The following RPL37 variants were observed in gnomAD, a reference collection of about 807,000 sequenced individuals.
The protein encoded by RPL37 is large ribosomal subunit protein eL37.
Under a neutral mutation model 14.8 loss-of-function variants are expected in RPL37, and 1 was observed. That is an observed-to-expected ratio of 0.07 (90% confidence interval 0.02 to 0.32). The LOEUF is 0.32. Ranked by LOEUF, RPL37 falls within the 10% of genes least tolerant of loss-of-function variation. The pLI is 1.00. For synonymous variants in RPL37, 53 were observed against 45.8 expected, an observed-to-expected ratio of 1.16 and a Z score of -0.63; for missense variants, 100 against 128.3, an observed-to-expected ratio of 0.78 and a Z score of 1.06.
chr5:40,835,072 C>G (rs1182942020), intron 1 of RPL37, 111 bp downstream of exon 1: 3 of 1,475,932 alleles, frequency 2.0e-6, no homozygotes, highest in Non-Finnish European at 2.8e-6. Flanking sequence ...CTCTTTCCAG[C>G]CCACCAGTTC....
In RPL37 at chr5:40,827,987, T is replaced by C. The variant is rs1322899211; in HGVS notation, c.*4517A>G. The C allele has an allele frequency of 6.6e-6, 1 of 152,140 alleles. No homozygotes were observed. The highest frequency in any genetic ancestry group is 2.4e-5 in the African/African-American group (1 of 41,416). 9.4% of individuals were successfully genotyped at this position (152,140 alleles called of 1,614,324 possible). ...AAAAAAATAAAACACCTAAATATAA[T>C]CCAAATGTGCTAATAAATGTGAAAC... On this transcript the variant is annotated 3_prime_UTR_variant, in exon 4 of 4. Transcript: ENST00000274242.
chr5:40,834,159 T>C, intron 3 of RPL37, 22 bp downstream of exon 3: 3 of 1,563,526 alleles, frequency 1.9e-6, no homozygotes, highest in South Asian at 1.1e-5. Context: ...GGACCAATTA[T>C]GATCGAACAT....
chr5:40,834,957 G>T, intron 1 of RPL37: 2 of 646,294 alleles, frequency 3.1e-6, no homozygotes, highest in Non-Finnish European at 2.7e-6. Context: ...AGGTTGGACC[G>T]AGGCAAAGGA....
In RPL37 at chr5:40,828,215, T is replaced by C. The variant is rs1325877245; in HGVS notation, c.*4289A>G. On this transcript the variant is annotated 3_prime_UTR_variant, in exon 4 of 4. Coordinates refer to ENST00000274242, the MANE Select transcript of RPL37 (RefSeq NM_000997.5). Reference sequence around the variant, plus strand: ...AAGAATGGCTCCTTATCATTCAACTTAACCAACCTTCTAAAGGTTCCTCCA... The same window carrying C: ...AAGAATGGCTCCTTATCATTCAACTCAACCAACCTTCTAAAGGTTCCTCCA... 1 of 152,224 alleles carries C rather than the reference T, an allele frequency of 6.6e-6. No individual in the cohort carries two copies. The highest frequency in any genetic ancestry group is 6.5e-5 in the Admixed American group (1 of 15,290). The allele number at this position is 152,224 out of a possible 1,614,324, so 9.4% of individuals were successfully genotyped here. A position where few individuals can be genotyped will look rare whatever the true frequency, so the allele number is the denominator to read the frequency against.
In RPL37 at chr5:40,828,944, G is replaced by A. The variant is rs937254705; in HGVS notation, c.*3560C>T. 38 of 152,134 alleles carry A rather than the reference G, an allele frequency of 2.5e-4. No individual in the cohort carries two copies. Among genetic ancestry groups the A allele is most frequent in the African/African-American group, 7.5e-4 (31 of 41,432 alleles). The allele number at this position is 152,134 out of a possible 1,614,324, so 9.4% of individuals were successfully genotyped here. A position where few individuals can be genotyped will look rare whatever the true frequency, so the allele number is the denominator to read the frequency against. On this transcript the variant is annotated 3_prime_UTR_variant, in exon 4 of 4. Transcript: ENST00000274242. ...TGGACATCTCCCCAAATCTTACTTT[G>A]AGACTCTAAATTATCTTTTTGTTTT...
intron 3 of RPL37, 160 bp from the exon 4 acceptor site, chr5:40,832,733 G>A (rs748495578): frequency 1.3e-5 from 10 of 753,994 alleles, no homozygotes; most frequent in Non-Finnish European, 2.5e-5. Flanking sequence ...TCACTGATAA[G>A]CTGAAATTCT....
In RPL37 at chr5:40,828,304, CTATTA is replaced by C. The variant is rs1381241569; in HGVS notation, c.*4195_*4199del. 1 of 152,196 alleles carries C rather than the reference CTATTA, an allele frequency of 6.6e-6. No homozygotes were observed. Among genetic ancestry groups the C allele is most frequent in the Non-Finnish European group, 1.5e-5 (1 of 68,034 alleles). The allele number at this position is 152,196 out of a possible 1,614,324, so 9.4% of individuals were successfully genotyped here. A position where few individuals can be genotyped will look rare whatever the true frequency, so the allele number is the denominator to read the frequency against. ...CACACTTATCACTATCTGCAATTGT[CTATTA>C]TGTCACCTTCCACAAACATACATAC... is the stretch of plus-strand genomic sequence containing the variant. On this transcript the variant is annotated 3_prime_UTR_variant, in exon 4 of 4. Transcript: ENST00000274242.
Position 40,832,222 on chromosome 5 carries a change from C to T in RPL37, c.*282G>A, listed in dbSNP as rs537418226. 8 of 392,764 alleles carry T rather than the reference C, an allele frequency of 2.0e-5. No homozygotes were observed. The highest frequency in any genetic ancestry group is 4.9e-5 in the East Asian group (1 of 20,518). The allele number at this position is 392,764 out of a possible 1,614,324, so 24.3% of individuals were successfully genotyped here. A position where few individuals can be genotyped will look rare whatever the true frequency, so the allele number is the denominator to read the frequency against. ...ACCCACCTATGCCACATGAGCTGTG[C>T]TATTTTAATCTGCTATATTGTCTTC... On this transcript the variant is annotated 3_prime_UTR_variant, in exon 4 of 4. Coordinates refer to ENST00000274242, the MANE Select transcript of RPL37 (RefSeq NM_000997.5).
intron 1 of RPL37, 168 bp downstream of exon 1, chr5:40,835,015 G>T: frequency 2.4e-6 from 2 of 847,904 alleles, no homozygotes; most frequent in Non-Finnish European, 3.8e-6. Context: ...GGTCCCCCAG[G>T]CACCAGTTAG....
At chr5:40,833,178 A>T (rs568097481) in intron 3 of RPL37, among the ~76,000 whole-genome samples, 5 of 152,310 alleles carry the variant, frequency 3.3e-5, no homozygotes, top group African/African-American at 1.2e-4. Context: ...GCACATGAAC[A>T]CACCTATGGG....
In RPL37 at chr5:40,832,484, A is replaced by G. The variant is rs1329252845; in HGVS notation, c.*20T>C. ...TTTTTAAAACCAGAACATTTATTGC[A>G]TGACTAATCGTTGACATTCTTAAGA... is the stretch of plus-strand genomic sequence containing the variant. On this transcript the variant is annotated 3_prime_UTR_variant, in exon 4 of 4. Transcript: ENST00000274242. The G allele has an allele frequency of 1.9e-6, 3 of 1,603,760 alleles. No homozygotes were observed. The highest frequency in any genetic ancestry group is 1.1e-5 in the South Asian group (1 of 90,890).
At position 40,832,261 on chromosome 5, in the gene RPL37, T is replaced by C; in HGVS notation, c.*243A>G. ...TATATTGTCTTCCAGTGCCCTCTGC[T>C]TCAAGGACTCCTGGAATTCTGCTTG... is the stretch of plus-strand genomic sequence containing the variant. On this transcript the variant is annotated 3_prime_UTR_variant, in exon 4 of 4. Transcript: ENST00000274242. 1 of 508,002 alleles carries C rather than the reference T, an allele frequency of 2.0e-6. No homozygotes were observed. Among genetic ancestry groups the C allele is most frequent in the Non-Finnish European group, 3.6e-6 (1 of 274,972 alleles). The allele number at this position is 508,002 out of a possible 1,614,324, so 31.5% of individuals were successfully genotyped here.
At chr5:40,835,053 A>T in intron 1 of RPL37, 130 bp downstream of exon 1, 1 of 1,283,402 alleles carries the variant, frequency 7.8e-7, no homozygotes, top group Non-Finnish European at 1.1e-6. Flanking sequence ...CTTGAGGGCC[A>T]CCGCATGCCT....
chr5:40,835,176 A>T lies in RPL37; in HGVS notation c.3+7T>A. 6.2e-7 allele frequency: 1 copy of T among 1,614,122 alleles called. No homozygotes were observed. The highest frequency in any genetic ancestry group is 8.5e-7 in the Non-Finnish European group (1 of 1,180,028). ...CGCGATTCACAAACACCACAGTCAC[A>T]ACTCACCATCTCGCTTCTGCGGCCG... On this transcript the variant is annotated splice_region_variant and intron_variant, in intron 1 of 3. Transcript: ENST00000274242.
In RPL37 at chr5:40,832,493, C is replaced by T. The variant is rs535769225; in HGVS notation, c.*11G>A. 1.6e-5 allele frequency: 25 copies of T among 1,609,606 alleles called. No individual in the cohort carries two copies. Among genetic ancestry groups the T allele is most frequent in the East Asian group, 4.5e-5 (2 of 44,870 alleles). ...CCAGAACATTTATTGCATGACTAAT[C>T]GTTGACATTCTTAAGATGAACTGGA... On this transcript the variant is annotated 3_prime_UTR_variant, in exon 4 of 4. Transcript: ENST00000274242.
chr5:40,832,863 G>A (rs1428743621), intron 3 of RPL37: 2 of 426,796 alleles, frequency 4.7e-6, no homozygotes, highest in African/African-American at 4.0e-5. Flanking sequence ...TTTGGCAAGA[G>A]ATCACAGATT....
At chr5:40,833,492 C>T (rs1285908878) in intron 3 of RPL37, among the ~76,000 whole-genome samples, 3 of 152,146 alleles carry the variant, frequency 2.0e-5, no homozygotes, top group Non-Finnish European at 1.5e-5. Flanking sequence ...TACGGCGGAG[C>T]TGAGATTCTG....
Position 40,827,079 on chromosome 5 carries a change from G to C in RPL37, c.*5425C>G, listed in dbSNP as rs1745533310. On this transcript the variant is annotated 3_prime_UTR_variant, in exon 4 of 4. Transcript: ENST00000274242. ...CAAGCATGAACCTCCGAACCTGGCA[G>C]AGTATTTTAAATTGAGATGGGTCCA... 1 of 152,252 alleles carries C rather than the reference G, an allele frequency of 6.6e-6. No individual in the cohort carries two copies. The highest frequency in any genetic ancestry group is 2.4e-5 in the African/African-American group (1 of 41,446). The allele number at this position is 152,252 out of a possible 1,614,324, so 9.4% of individuals were successfully genotyped here. A position where few individuals can be genotyped will look rare whatever the true frequency, so the allele number is the denominator to read the frequency against.
At position 40,828,872 on chromosome 5, in the gene RPL37, AAT is replaced by A. The variant is rs1227460118; in HGVS notation, c.*3630_*3631del. The A allele has an allele frequency of 7.2e-5, 11 of 152,282 alleles. No individual in the cohort carries two copies. The highest frequency in any genetic ancestry group is 2.4e-4 in the African/African-American group (10 of 41,556). The allele number at this position is 152,282 out of a possible 1,614,324, so 9.4% of individuals were successfully genotyped here. A position where few individuals can be genotyped will look rare whatever the true frequency, so the allele number is the denominator to read the frequency against. Reference sequence around the variant, plus strand: ...GCACACAGTAGGTGCACCATACATAAATATGTCAACAAATGAACTTCTCCCTC... The same window carrying A: ...GCACACAGTAGGTGCACCATACATAAATGTCAACAAATGAACTTCTCCCTC... On this transcript the variant is annotated 3_prime_UTR_variant, in exon 4 of 4. Transcript: ENST00000274242.
Sources: allele counts gnomAD v4.1 joint callset (sites outside exome capture counted in the v4.1 genomes callset), GRCh38; gene constraint gnomAD v4.1.1; transcripts MANE v1.5; gene names NCBI Gene and HGNC (gene_info 2026-07-23, HGNC 2026-07-21).